The following NSUN5 variants were observed in gnomAD, a reference collection of about 807,000 sequenced individuals.
The protein encoded by NSUN5 is NOP2/Sun RNA methyltransferase 5, also known as 28S rRNA (cytosine-C(5))-methyltransferase.
In NSUN5, 39 loss-of-function variants were observed where a neutral mutation model predicts 51.1. That is an observed-to-expected ratio of 0.76 (90% CI 0.59 to 1.00). The LOEUF (loss-of-function observed/expected upper bound fraction) is 1.00, where lower values mean the gene tolerates loss of function less well. NSUN5 is among the 50% of genes least tolerant of loss of function. NSUN5 has a pLI of 0.00. For synonymous variants in NSUN5, 266 were observed against 271.5 expected, an observed-to-expected ratio of 0.98 and a Z score of 0.20; for missense variants, 526 against 614.0, an observed-to-expected ratio of 0.86 and a Z score of 1.51.
chr7:73,303,772 G>C, intron 8 of NSUN5, 32 bp from the exon 9 acceptor site: 1 of 1,613,840 alleles, frequency 6.2e-7, no homozygotes, highest in East Asian at 2.2e-5. Flanking sequence ...TGCTGGGTAA[G>C]AGAGCAGCTC....
In NSUN5 at chr7:73,307,568, C is replaced by G. The variant is rs782127602; in HGVS notation, c.391+15G>C. The G allele has an allele frequency of 6.7e-6, 10 of 1,501,890 alleles. No homozygotes were observed. Among genetic ancestry groups the G allele is most frequent in the Non-Finnish European group, 9.1e-6 (10 of 1,101,520 alleles). 93.0% of individuals were successfully genotyped at this position (1,501,890 alleles called of 1,614,324 possible). ...GTTCCCCGCCTCCCCCACCCCCCAACTCCTTCCAGCTTACCTGGACCAGGC... is the reference window on the plus strand; with the variant it reads ...GTTCCCCGCCTCCCCCACCCCCCAAGTCCTTCCAGCTTACCTGGACCAGGC... On this transcript the variant is annotated intron_variant, in intron 3 of 9. Coordinates refer to ENST00000438747, the MANE Select transcript of NSUN5 (RefSeq NM_148956.4).
In NSUN5 at chr7:73,303,988, G is replaced by A. The variant is rs782134220; in HGVS notation, c.983C>T (p.Pro328Leu). 13 of 1,614,032 alleles carry A rather than the reference G, an allele frequency of 8.1e-6. No homozygotes were observed. Among genetic ancestry groups the A allele is most frequent in the African/African-American group, 1.3e-5 (1 of 74,934 alleles). ...CCCTGCCAGGGCATGCAGACGCACC[G>A]GGCTAGGTGTGCCTGCCCCGGGCTC... ...LEEPGAGTPS[P>L]VRLHALAGFQ... Residue 328 changes from proline (P) to leucine (L), a missense_variant, in exon 8 of 10, where the codon CCG (proline) becomes CTG (leucine). By Grantham distance (98) the Pro-to-Leu change is moderately conservative. Coordinates refer to ENST00000438747, the MANE Select transcript of NSUN5 (RefSeq NM_148956.4).
chr7:73,303,682 C>G lies in NSUN5; in HGVS notation c.1204G>C (p.Glu402Gln). 6.2e-7 allele frequency: 1 copy of G among 1,614,148 alleles called. No individual in the cohort carries two copies. Among genetic ancestry groups the G allele is most frequent in the Non-Finnish European group, 8.5e-7 (1 of 1,180,020 alleles). ...HRGLSTFPGA[E>Q]HCLRASPETT... The stretch of plus-strand genomic sequence containing the variant: ...TCAGGGGAGGCCCGGAGGCAGTGCT[C>G]GGCACCCGGGAACGTGCTCAGGCCT... Residue 402 changes from glutamate (E) to glutamine (Q), a missense_variant, in exon 9 of 10, where the codon GAG (glutamate) becomes CAG (glutamine). Physicochemically the swap from Glu to Gln is conservative, Grantham distance 29. Coordinates refer to ENST00000438747, the MANE Select transcript of NSUN5 (RefSeq NM_148956.4).
chr7:73,306,636 T>C (rs1293595290), intron 4 of NSUN5, among the ~76,000 whole-genome samples: 2 of 151,828 alleles, frequency 1.3e-5, no homozygotes, highest in African/African-American at 4.8e-5. Context: ...TCCGAGCACT[T>C]TGGGAGACCA....
At chr7:73,307,977 G>C in intron 2 of NSUN5, 1 of 564,754 alleles carries the variant, frequency 1.8e-6, no homozygotes, top group Non-Finnish European at 3.1e-6. Flanking sequence ...TTTCTCCACC[G>C]ATGTTCACCA....
At chr7:73,308,389 T>G (rs1554542253) in intron 2 of NSUN5, 42 bp downstream of exon 2, 1 of 1,555,292 alleles carries the variant, frequency 6.4e-7, no homozygotes, top group South Asian at 1.2e-5. Context: ...GACAAAGCGC[T>G]GACCGTCGGG....
rs1425534818 is a variant in NSUN5, at chr7:73,308,137, G to A, written c.216+294C>T. ...CAGCTTCGACCTCCTGGGCTCAAGT[G>A]ATCCTCCTCCCTCAGCCTCCCGAGT... On this transcript the variant is annotated intron_variant, in intron 2 of 9. Coordinates refer to ENST00000438747, the MANE Select transcript of NSUN5 (RefSeq NM_148956.4). 4.7e-5 allele frequency: 22 copies of A among 464,764 alleles called. No homozygotes were observed. In the South Asian group the frequency reaches 8.3e-4, roughly 17 times the overall value. The allele number at this position is 464,764 out of a possible 1,614,324, so 28.8% of individuals were successfully genotyped here.
chr7:73,305,444 A>C (rs2115650388), intron 4 of NSUN5, among the ~76,000 whole-genome samples: 1 of 152,042 alleles, frequency 6.6e-6, no homozygotes, highest in South Asian at 2.1e-4. Flanking sequence ...GTTGAAGCAT[A>C]ACCTTGGAAA....
chr7:73,304,450 T>C (rs377708156), intron 6 of NSUN5, 42 bp from the exon 7 acceptor site: 192 of 1,565,560 alleles, frequency 1.2e-4, no homozygotes, highest in Non-Finnish European at 6.9e-5. Flanking sequence ...ATGGAGCAGC[T>C]AAGGGCCTGT....
At position 73,304,781 on chromosome 7, in the gene NSUN5, T is replaced by A. The variant is rs1554541545; in HGVS notation, c.721A>T (p.Thr241Ser). Reference protein sequence around the residue: ...IDACAAPGNKTSHLAALLKNQ... With the variant: ...IDACAAPGNKSSHLAALLKNQ... ...TTCAGAAGAGCAGCCAAGTGACTGGTCTTATTGCCTGGGGCGGCACAGGCA... is the reference window on the plus strand; with the variant it reads ...TTCAGAAGAGCAGCCAAGTGACTGGACTTATTGCCTGGGGCGGCACAGGCA... The change falls in exon 6 of 10, where the codon ACC becomes TCC. Residue 241 changes from threonine to serine, a missense_variant. Thr to Ser is a moderately conservative substitution (Grantham distance 58). Coordinates refer to ENST00000438747, the MANE Select transcript of NSUN5 (RefSeq NM_148956.4). 1 of 1,613,688 alleles carries A rather than the reference T, an allele frequency of 6.2e-7. No homozygotes were observed. Among genetic ancestry groups the A allele is most frequent in the Non-Finnish European group, 8.5e-7 (1 of 1,179,764 alleles).
chr7:73,303,603 G>C lies in NSUN5; in HGVS notation c.1283C>G (p.Pro428Arg). The C allele has an allele frequency of 1.2e-6, 2 of 1,614,196 alleles. No homozygotes were observed. The highest frequency in any genetic ancestry group is 1.7e-6 in the Non-Finnish European group (2 of 1,180,036). Reference protein sequence around the residue: ...FVAVIERVEVPSSASQAKASA... With the variant: ...FVAVIERVEVRSSASQAKASA... ...AAGCACGCCCCCACTCACTCACCTT[G>C]GCACCTCGACCCGTTCAATTACAGC... The change falls in exon 9 of 10, where the codon CCA (proline) becomes CGA (arginine). Residue 428 changes from proline to arginine, a missense_variant. By Grantham distance (103) the Pro-to-Arg change is moderately radical. Coordinates refer to ENST00000438747, the MANE Select transcript of NSUN5 (RefSeq NM_148956.4).
At position 73,303,236 on chromosome 7, in the gene NSUN5, C is replaced by T. The variant is rs1191120763; in HGVS notation, c.*179G>A. On this transcript the variant is annotated 3_prime_UTR_variant, in exon 10 of 10. Coordinates refer to ENST00000438747, the MANE Select transcript of NSUN5 (RefSeq NM_148956.4). ...AAAAACTGTGATCTATCGTAGAGTA[C>T]GTTCTGCATTTTATTTTTGCAGGCA... 39 of 1,584,466 alleles carry T rather than the reference C, an allele frequency of 2.5e-5. No homozygotes were observed. The Middle Eastern group carries it at 2.0e-3, about 82-fold the overall frequency.
In NSUN5 at chr7:73,307,519, G is replaced by C. The variant is rs1554541999; in HGVS notation, c.392-17C>G. ...GCTGGGAGGCTACGTAGGACGCAAT[G>C]AGCAGTGAGTAGGCAGGAGCAAAGT... On this transcript the variant is annotated splice_polypyrimidine_tract_variant and intron_variant, in intron 3 of 9. Coordinates refer to ENST00000438747, the MANE Select transcript of NSUN5 (RefSeq NM_148956.4). 6.2e-7 allele frequency: 1 copy of C among 1,613,838 alleles called. No homozygotes were observed.
In NSUN5 at chr7:73,305,071, C is replaced by T. The variant is rs567941047; in HGVS notation, c.527G>A (p.Gly176Glu). Residue 176 changes from glycine to glutamate, a missense_variant, in exon 5 of 10, where the codon GGG (glycine) becomes GAG (glutamate). Coordinates refer to ENST00000438747, the MANE Select transcript of NSUN5 (RefSeq NM_148956.4). ...CAAGGGGTCCAGGAGAAAATGCTTCCCCTTGAGGGCTCGTAAGTCATCGAG... is the reference window on the plus strand; with the variant it reads ...CAAGGGGTCCAGGAGAAAATGCTTCTCCTTGAGGGCTCGTAAGTCATCGAG... ...SSLDDLRALKGKHFLLDPLMP... is the reference protein window; with the variant it reads ...SSLDDLRALKEKHFLLDPLMP... The T allele has an allele frequency of 1.2e-6, 2 of 1,609,622 alleles. No homozygotes were observed. The highest frequency in any genetic ancestry group is 2.2e-5 in the East Asian group (1 of 44,816).
At chr7:73,306,385 CAAAAAAAAAAAAAA>C (rs36038371) in intron 4 of NSUN5, among the ~76,000 whole-genome samples, 1 of 26,020 alleles carries the variant, frequency 3.8e-5, no homozygotes, top group African/African-American at 2.1e-4. Flanking sequence ...ACCCTTGTCT[CAAAAAAAAAAAAAA>C]AAAAAAAAAA....
At chr7:73,306,514 T>C (rs562487988) in intron 4 of NSUN5, among the ~76,000 whole-genome samples, 1 of 149,236 alleles carries the variant, frequency 6.7e-6, no homozygotes, top group South Asian at 2.1e-4. Flanking sequence ...GAGAAACCAG[T>C]CTGGGAAGTT....
intron 3 of NSUN5, 32 bp downstream of exon 3, chr7:73,307,551 C>CCCG: frequency 8.3e-7 from 1 of 1,211,562 alleles, no homozygotes; most frequent in Non-Finnish European, 1.2e-6. Flanking sequence ...AAGTTCCCCG[C>CCCG]CTCCCCCACC....
chr7:73,305,232 TC>T, intron 4 of NSUN5, 135 bp from the exon 5 acceptor site: 1 of 1,253,830 alleles, frequency 8.0e-7, no homozygotes, highest in Non-Finnish European at 1.1e-6. Flanking sequence ...ATGGGCGGAA[TC>T]CGCAGTTGAG....
intron 5 of NSUN5, 48 bp from the exon 6 acceptor site, chr7:73,304,910 G>A (rs1468663416): frequency 9.9e-6 from 16 of 1,612,702 alleles, no homozygotes; most frequent in Non-Finnish European, 1.4e-5. Context: ...CCCAGGCTAG[G>A]CCCTTCCCGT....
Sources: allele counts gnomAD v4.1 joint callset (sites outside exome capture counted in the v4.1 genomes callset), GRCh38; gene constraint gnomAD v4.1.1; transcripts MANE v1.5; gene names NCBI Gene and HGNC (gene_info 2026-07-23, HGNC 2026-07-21).